NBEA: variants seen among roughly 807,000 people sequenced by gnomAD.
NBEA encodes lysosomal-trafficking regulator 2.
A neutral mutation model predicts 343.4 loss-of-function variants in NBEA; 44 were observed. That is an observed-to-expected ratio of 0.13 (90% CI 0.10 to 0.16). NBEA has a LOEUF of 0.16. Among genes scored for constraint, NBEA ranks in the 10% least tolerant of loss-of-function variants. The probability of loss-of-function intolerance (pLI) is 1.00; values close to 1 mark genes in which losing one functional copy is unlikely to be tolerated. For missense variants in NBEA, 2,555 were observed against 3,631.3 expected (o/e 0.70, Z 7.62); for synonymous variants, 1,175 against 1,238.7 (o/e 0.95, Z 1.08).
At position 35,645,937 on chromosome 13, in the gene NBEA, T is replaced by C. The variant is rs1167850986; in HGVS notation, c.7680+6T>C. 1 of 1,529,372 alleles carries C rather than the reference T, an allele frequency of 6.5e-7. No individual in the cohort carries two copies. Among genetic ancestry groups the C allele is most frequent in the Non-Finnish European group, 8.9e-7 (1 of 1,124,356 alleles). The allele number at this position is 1,529,372 out of a possible 1,614,324, so 94.7% of individuals were successfully genotyped here. On this transcript the variant is annotated splice_donor_region_variant and intron_variant, in intron 50 of 58. Transcript: ENST00000379939. Reference sequence around the variant, plus strand: ...TTACAAAGGACTTTATTAAGGTATATGTTCTGTATTTAGTGTGGAAAGTGT... The same window carrying C: ...TTACAAAGGACTTTATTAAGGTATACGTTCTGTATTTAGTGTGGAAAGTGT...
chr13:35,383,475 A>C (rs1224801592), intron 38 of NBEA, among the ~76,000 whole-genome samples: 1 of 152,122 alleles, frequency 6.6e-6, no homozygotes, highest in African/African-American at 2.4e-5. Flanking sequence ...AATGATTGTC[A>C]ATGTGTAGCT....
At chr13:35,379,987 A>T (rs943143794) in intron 38 of NBEA, among the ~76,000 whole-genome samples, 1 of 152,206 alleles carries the variant, frequency 6.6e-6, no homozygotes, top group Non-Finnish European at 1.5e-5. Flanking sequence ...TTGAATCAGC[A>T]TGCCAATTTC....
intron 45 of NBEA, among the ~76,000 whole-genome samples, chr13:35,579,652 A>G (rs1256825039): frequency 6.6e-6 from 1 of 152,120 alleles, no homozygotes; most frequent in Non-Finnish European, 1.5e-5. Flanking sequence ...TGTATTTCCC[A>G]TTAAAAATTT....
chr13:35,434,425 G>A (rs117406434), intron 39 of NBEA, among the ~76,000 whole-genome samples: 155 of 152,204 alleles, frequency 1.0e-3, no homozygotes, highest in East Asian at 8.7e-3. Flanking sequence ...CTCTTGAGTT[G>A]TGTTCTGTTA....
intron 10 of NBEA, among the ~76,000 whole-genome samples, chr13:35,075,189 A>G (rs2064058848): frequency 6.6e-6 from 1 of 152,152 alleles, no homozygotes; most frequent in Non-Finnish European, 1.5e-5. Context: ...TACTCTGAGA[A>G]TCACTTTTGC....
In NBEA at chr13:35,217,659, T is replaced by C. The variant is rs2152758591; in HGVS notation, c.5648+6480T>C. Among the ~76,000 whole-genome samples the C allele has an allele frequency of 2.0e-5, 3 of 152,164 alleles. 1 individual carries two copies. The Middle Eastern group carries it at 0.01, about 518-fold the overall frequency. ...CCATGAGGCATGTTTTTAAGACCTT[T>C]TAAGGCAAATTTAGAGAGGCCTCTC... On this transcript the variant is annotated intron_variant, in intron 33 of 58. Coordinates refer to ENST00000379939, the MANE Select transcript of NBEA (RefSeq NM_001385012.1).
chr13:35,445,828 AT>A (rs2152940771), intron 39 of NBEA, among the ~76,000 whole-genome samples: 1 of 138,428 alleles, frequency 7.2e-6, no homozygotes, highest in South Asian at 2.3e-4. Flanking sequence ...GTATATATAT[AT>A]ATTATATTTG....
intron 1 of NBEA, among the ~76,000 whole-genome samples, chr13:34,974,245 A>G (rs1566109095): frequency 6.6e-6 from 1 of 151,970 alleles, no homozygotes; most frequent in Non-Finnish European, 1.5e-5. Context: ...AAGGTACTGT[A>G]TTTACTTGCC....
At chr13:35,362,600 A>T (rs897004841) in intron 38 of NBEA, among the ~76,000 whole-genome samples, 2 of 151,950 alleles carry the variant, frequency 1.3e-5, no homozygotes, top group African/African-American at 4.8e-5. Flanking sequence ...ATCTAAGATG[A>T]CTCACCCATG....
At chr13:35,247,767 G>C (rs1318428990) in intron 34 of NBEA, among the ~76,000 whole-genome samples, 1 of 151,922 alleles carries the variant, frequency 6.6e-6, no homozygotes, top group Non-Finnish European at 1.5e-5. Flanking sequence ...GTCTATCCAA[G>C]TAGAAGCTGC....
chr13:35,257,165 A>G (rs780670293), intron 34 of NBEA, among the ~76,000 whole-genome samples: 52 of 152,188 alleles, frequency 3.4e-4, no homozygotes, highest in Non-Finnish European at 6.6e-4. Flanking sequence ...GATAGGCAAA[A>G]TCTGTTAAAG....
At chr13:35,523,216 C>A (rs2077805368) in intron 41 of NBEA, among the ~76,000 whole-genome samples, 1 of 151,992 alleles carries the variant, frequency 6.6e-6, no homozygotes, top group Non-Finnish European at 1.5e-5. Context: ...CTCTATTGTC[C>A]CCATGATTGA....
At chr13:35,350,220 A>G (rs2040115134) in intron 37 of NBEA, among the ~76,000 whole-genome samples, 1 of 152,178 alleles carries the variant, frequency 6.6e-6, no homozygotes, top group South Asian at 2.1e-4. Flanking sequence ...GTCATGTGAA[A>G]ACATTTAAAA....
intron 34 of NBEA, among the ~76,000 whole-genome samples, chr13:35,274,801 A>T (rs997499613): frequency 1.3e-5 from 2 of 152,230 alleles, no homozygotes; most frequent in African/African-American, 4.8e-5. Flanking sequence ...CTTATAAAGG[A>T]TGTGAAGGAC....
chr13:35,225,231 T>C (rs1167127310), intron 33 of NBEA, among the ~76,000 whole-genome samples: 1 of 152,088 alleles, frequency 6.6e-6, no homozygotes, highest in East Asian at 1.9e-4. Context: ...ATCTTGAAGG[T>C]AGGGCTTTTT....
At chr13:35,029,761 G>A (rs117274637) in intron 1 of NBEA, among the ~76,000 whole-genome samples, 6,918 of 151,568 alleles carry the variant, frequency 0.046, 237 homozygotes, top group Non-Finnish European at 0.067. Flanking sequence ...AGTGCTCTTA[G>A]AAGACAACAT....
At chr13:35,660,769 G>T (rs1249794215) in intron 55 of NBEA, among the ~76,000 whole-genome samples, 1 of 152,164 alleles carries the variant, frequency 6.6e-6, no homozygotes, top group African/African-American at 2.4e-5. Flanking sequence ...CCGATGGATA[G>T]CCCAGAGAGA....
chr13:35,528,109 A>T (rs1212125687), intron 41 of NBEA, among the ~76,000 whole-genome samples: 1 of 152,204 alleles, frequency 6.6e-6, no homozygotes, highest in Non-Finnish European at 1.5e-5. Flanking sequence ...ATCATGTTCA[A>T]TTTAGGCTTC....
chr13:35,469,099 C>CAAAAAAAAAAA, intron 40 of NBEA, among the ~76,000 whole-genome samples: 1 of 85,024 alleles, frequency 1.2e-5, no homozygotes. Flanking sequence ...GACTCTATCT[C>CAAAAAAAAAAA]AAAAAAAAAA....
Sources: allele counts gnomAD v4.1 joint callset (sites outside exome capture counted in the v4.1 genomes callset), GRCh38; gene constraint gnomAD v4.1.1; transcripts MANE v1.5; gene names NCBI Gene and HGNC (gene_info 2026-07-23, HGNC 2026-07-21).